The following GIGYF2 variants were observed in gnomAD, a reference collection of about 807,000 sequenced individuals.
GIGYF2 encodes the protein GRB10-interacting GYF protein 2.
Under a neutral mutation model 208.1 loss-of-function variants are expected in GIGYF2, and 25 were observed. That is an observed-to-expected ratio of 0.12 (90% CI 0.09 to 0.17). GIGYF2 has a LOEUF of 0.17. Ranked by LOEUF, GIGYF2 falls within the 10% of genes least tolerant of loss-of-function variation. GIGYF2 has a pLI of 1.00. For missense variants in GIGYF2, 1,302 were observed against 1,579.4 expected (o/e 0.82, Z 2.98); for synonymous variants, 534 against 543.8 (o/e 0.98, Z 0.25).
chr2:232,849,237 T>C (rs190708896), intron 27 of GIGYF2, among the ~76,000 whole-genome samples: 2 of 152,224 alleles, frequency 1.3e-5, no homozygotes, highest in Admixed American at 1.3e-4. Context: ...CGATCTCAGC[T>C]CACTGCAACC....
chr2:232,819,673 A>G lies in GIGYF2; in HGVS notation c.2371-154A>G, dbSNP rs1268752943. 4.6e-5 allele frequency among the ~76,000 whole-genome samples: 7 copies of G among 152,112 alleles called. No homozygotes were observed. In the South Asian group the frequency reaches 1.0e-3, roughly 22 times the overall value. ...GCGTCCAATTCCCCAATTTACATGT[A>G]TACTTTTTACTCCAGATCATGATTA... On this transcript the variant is annotated intron_variant, in intron 20 of 28. Transcript: ENST00000373563.
At position 232,811,914 on chromosome 2, in the gene GIGYF2, G is replaced by C. The variant is rs185904322; in HGVS notation, c.2007-477G>C. On this transcript the variant is annotated intron_variant, in intron 17 of 28. Coordinates refer to ENST00000373563, the MANE Select transcript of GIGYF2 (RefSeq NM_001103146.3). ...TTTTGAGCCTTAACCCATCCCATGAGGTAGGCAGTTTAGGTGGTAGGAGCT... is the reference window on the plus strand; with the variant it reads ...TTTTGAGCCTTAACCCATCCCATGACGTAGGCAGTTTAGGTGGTAGGAGCT... Among the ~76,000 whole-genome samples, 8 of 152,292 alleles carry C rather than the reference G, an allele frequency of 5.3e-5. No homozygotes were observed. The East Asian group carries it at 1.5e-3, about 29-fold the overall frequency.
chr2:232,734,712 A>G (rs1026920088), intron 2 of GIGYF2, among the ~76,000 whole-genome samples: 3 of 152,236 alleles, frequency 2.0e-5, no homozygotes, highest in Non-Finnish European at 2.9e-5. Context: ...GCTATGTGAT[A>G]GGTAAGGAGG....
intron 8 of GIGYF2, among the ~76,000 whole-genome samples, chr2:232,770,582 A>G (rs1321999165): frequency 2.7e-5 from 4 of 146,052 alleles, no homozygotes; most frequent in Non-Finnish European, 4.5e-5. Flanking sequence ...AGCTTCAGTG[A>G]AAACCTCCTT....
intron 24 of GIGYF2, 51 bp downstream of exon 24, chr2:232,844,306 T>C: frequency 1.2e-6 from 2 of 1,612,892 alleles, no homozygotes; most frequent in South Asian, 2.2e-5. Flanking sequence ...TTATCTTTTC[T>C]GACTGTCTTC....
intron 8 of GIGYF2, among the ~76,000 whole-genome samples, chr2:232,785,457 C>T (rs114098038): frequency 3.3e-5 from 5 of 152,166 alleles, no homozygotes; most frequent in Non-Finnish European, 7.3e-5. Flanking sequence ...CTTTGCCATG[C>T]AAGCTTCTCC....
In GIGYF2 at chr2:232,836,323, T is replaced by A. The variant is rs376677775; in HGVS notation, c.2766+3230T>A. Among the ~76,000 whole-genome samples, 183 of 23,272 alleles carry A rather than the reference T, an allele frequency of 7.9e-3. 34 individuals carry two copies. The highest frequency in any genetic ancestry group is 0.019 in the African/African-American group (145 of 7,450). The allele number at this position is 23,272 out of a possible 152,430, so 15.3% of individuals were successfully genotyped here. On this transcript the variant is annotated intron_variant, in intron 22 of 28. Coordinates refer to ENST00000373563, the MANE Select transcript of GIGYF2 (RefSeq NM_001103146.3). ...ATATATATATATATATATATATATA[T>A]ATATATACATATATATACTTATATA...
In GIGYF2 at chr2:232,859,493, T is replaced by A. The variant is rs1690697877; in HGVS notation, c.*2633T>A. On this transcript the variant is annotated 3_prime_UTR_variant, in exon 29 of 29. Coordinates refer to ENST00000373563, the MANE Select transcript of GIGYF2 (RefSeq NM_001103146.3). The stretch of plus-strand genomic sequence containing the variant: ...TAAAAACATCCCAGACAAGACAGTT[T>A]GATTATGGAGACTGTCCCCAAGCAG... 1 of 152,204 alleles carries A rather than the reference T, an allele frequency of 6.6e-6. No homozygotes were observed. The highest frequency in any genetic ancestry group is 1.5e-5 in the Non-Finnish European group (1 of 68,100). 9.4% of individuals were successfully genotyped at this position (152,204 alleles called of 1,614,324 possible). A position where few individuals can be genotyped will look rare whatever the true frequency, so the allele number is the denominator to read the frequency against.
intron 2 of GIGYF2, among the ~76,000 whole-genome samples, chr2:232,716,370 ATTTG>A (rs772486690): frequency 5.9e-5 from 6 of 101,820 alleles, no homozygotes; most frequent in South Asian, 3.3e-4. Context: ...TAATGGTGTT[ATTTG>A]TTTTTTTTTT....
intron 21 of GIGYF2, among the ~76,000 whole-genome samples, chr2:232,826,563 C>T (rs999548310): frequency 6.6e-6 from 1 of 152,122 alleles, no homozygotes; most frequent in African/African-American, 2.4e-5. Context: ...AGCTTCTGCA[C>T]AGCAAAAGAA....
intron 10 of GIGYF2, 25 bp from the exon 11 acceptor site, chr2:232,790,983 C>A (rs1246347455): frequency 6.2e-7 from 1 of 1,613,486 alleles, no homozygotes; most frequent in South Asian, 1.1e-5. Flanking sequence ...TGCTGTTGAT[C>A]TTTGGTTTTA....
intron 14 of GIGYF2, among the ~76,000 whole-genome samples, chr2:232,805,595 A>G (rs372356693): frequency 5.3e-5 from 8 of 152,330 alleles, no homozygotes; most frequent in Non-Finnish European, 1.0e-4. Flanking sequence ...TGTAGATAGC[A>G]TACTATTAGG....
chr2:232,815,723 G>A lies in GIGYF2; in HGVS notation c.2194G>A (p.Ala732Thr). Residue 732 changes from alanine (A) to threonine (T), a missense_variant, in exon 19 of 29, where the codon GCC becomes ACC. Around this residue, in one of 8 missense-constraint regions of GIGYF2, gnomAD observed 701 missense variants for 793.0 expected, o/e 0.88. Transcript: ENST00000373563. ...ALEQLQQLEK[A>T]KAAKLEQERR... ...GGAACAGCTTCAGCAGCTAGAGAAG[G>A]CCAAAGCTGCAAAGGTCTGAAACTC... The A allele has an allele frequency of 6.3e-7, 1 of 1,577,944 alleles. No homozygotes were observed. Among genetic ancestry groups the A allele is most frequent in the African/African-American group, 1.3e-5 (1 of 74,260 alleles).
At chr2:232,788,380 A>G (rs1233674311) in intron 9 of GIGYF2, 9 of 223,084 alleles carry the variant, frequency 4.0e-5, no homozygotes, top group Non-Finnish European at 8.8e-5. Flanking sequence ...ATTAGTGGGC[A>G]TTGTTTACAT....
intron 2 of GIGYF2, among the ~76,000 whole-genome samples, chr2:232,726,540 A>C (rs1385512712): frequency 1.3e-5 from 2 of 152,130 alleles, no homozygotes; most frequent in African/African-American, 4.8e-5. Flanking sequence ...GAGGAGTTCA[A>C]GTCCAGCCTG....
Position 232,832,892 on chromosome 2 carries a change from A to C in GIGYF2, c.2565A>C (p.Glu855Asp). The change falls in exon 22 of 29, where the codon GAA becomes GAC. Residue 855 changes from glutamate (E) to aspartate (D), a missense_variant. This residue lies in a region of GIGYF2 where 701 missense variants were observed against 793.0 expected (regional missense o/e 0.88). Transcript: ENST00000373563. ...CTGCAAAATGGGCCCGGGAAGAAGA[A>C]GAAGCCCAGCGTCGATTAGAGGAGA... Reference protein sequence around the residue: ...EEAAKWAREEEEAQRRLEENR... With the variant: ...EEAAKWAREEDEAQRRLEENR... The C allele has an allele frequency of 6.4e-7, 1 of 1,560,486 alleles. No individual in the cohort carries two copies. Among genetic ancestry groups the C allele is most frequent in the Non-Finnish European group, 8.7e-7 (1 of 1,152,004 alleles).
At chr2:232,813,517 G>A (rs1700805550) in intron 18 of GIGYF2, among the ~76,000 whole-genome samples, 1 of 152,088 alleles carries the variant, frequency 6.6e-6, no homozygotes, top group Non-Finnish European at 1.5e-5. Flanking sequence ...GAGCACCTCT[G>A]TTTCTTATGG....
chr2:232,794,799 C>T lies in GIGYF2; in HGVS notation c.1334C>T (p.Ala445Val). ...CTGTCGCAGATTCCTTCAGATACAG[C>T]CTCTCCTCTTCTCATACTTCCACCT... ...QPLSQIPSDT[A>V]SPLLILPPPV... The change falls in exon 13 of 29, where the codon GCC (alanine) becomes GTC (valine). Residue 445 changes from alanine to valine, a missense_variant. Physicochemically the swap from Ala to Val is moderately conservative, Grantham distance 64. This residue lies in a region of GIGYF2 where 235 missense variants were observed against 218.8 expected (regional missense o/e 1.07). Transcript: ENST00000373563. 2 of 1,613,736 alleles carry T rather than the reference C, an allele frequency of 1.2e-6. No homozygotes were observed. Among genetic ancestry groups the T allele is most frequent in the Non-Finnish European group, 1.7e-6 (2 of 1,179,704 alleles).
chr2:232,702,447 G>GA (rs746092311), intron 1 of GIGYF2, among the ~76,000 whole-genome samples: 4 of 150,798 alleles, frequency 2.7e-5, no homozygotes, highest in Admixed American at 6.6e-5. Flanking sequence ...TCCAAAAAAA[G>GA]AAAAAAAACT....
Sources: gnomAD v4.1 joint callset for allele counts (sites outside exome capture counted in the v4.1 genomes callset) on GRCh38, gnomAD v4.1.1 for gene constraint, gnomAD v4.1.1 regional missense constraint, MANE v1.5 for transcripts, NCBI Gene and HGNC (gene_info 2026-07-23, HGNC 2026-07-21) for gene names.